PLD5: variants seen among roughly 807,000 people sequenced by gnomAD.
PLD5 encodes the protein inactive phospholipase D5.
Under a neutral mutation model 61.1 loss-of-function variants are expected in PLD5, and 36 were observed. The observed-to-expected ratio is 0.59, with a 90% CI of 0.45 to 0.78. The LOEUF (loss-of-function observed/expected upper bound fraction) is 0.78, where lower values mean the gene tolerates loss of function less well. PLD5 is among the 30% of genes least tolerant of loss of function. PLD5 has a pLI of 0.00. For missense variants in PLD5, 515 were observed against 644.4 expected (o/e 0.80, Z 2.17); for synonymous variants, 243 against 242.8 (o/e 1.00, Z -0.01).
At chr1:242,459,630 T>G (rs765836629) in intron 1 of PLD5, among the ~76,000 whole-genome samples, 1 of 152,200 alleles carries the variant, frequency 6.6e-6, no homozygotes, top group Non-Finnish European at 1.5e-5. Context: ...TTCTGATTAT[T>G]GTAAATACAA....
intron 5 of PLD5, among the ~76,000 whole-genome samples, chr1:242,190,336 C>T (rs866011808): frequency 1.3e-5 from 2 of 151,064 alleles, no homozygotes; most frequent in African/African-American, 4.9e-5. Flanking sequence ...TTAGTAGAGA[C>T]GGGGTTTCAC....
intron 1 of PLD5, among the ~76,000 whole-genome samples, chr1:242,494,652 A>G (rs545235363): frequency 1.1e-4 from 16 of 152,212 alleles, no homozygotes; most frequent in Non-Finnish European, 2.4e-4. Context: ...GGTTTATTTT[A>G]TGTTCCAAAA....
intron 1 of PLD5, among the ~76,000 whole-genome samples, chr1:242,355,448 C>A (rs1571962225): frequency 6.6e-6 from 1 of 152,054 alleles, no homozygotes; most frequent in African/African-American, 2.4e-5. Flanking sequence ...CTGTAGTTAT[C>A]AGTTGTAATG....
intron 3 of PLD5, among the ~76,000 whole-genome samples, chr1:242,271,931 A>T (rs970228822): frequency 9.9e-5 from 15 of 151,858 alleles, no homozygotes; most frequent in Non-Finnish European, 1.8e-4. Context: ...AAGGGACTGA[A>T]ATAGTGTTAC....
At chr1:242,293,214 C>A (rs1675468173) in intron 2 of PLD5, among the ~76,000 whole-genome samples, 1 of 152,050 alleles carries the variant, frequency 6.6e-6, no homozygotes, top group South Asian at 2.1e-4. Flanking sequence ...GAAAGTGAAG[C>A]AAGAGAAGAT....
At chr1:242,262,839 G>A (rs925433602) in intron 4 of PLD5, among the ~76,000 whole-genome samples, 1 of 151,994 alleles carries the variant, frequency 6.6e-6, no homozygotes, top group African/African-American at 2.4e-5. Flanking sequence ...GTTTATATGA[G>A]GGATACAGGT....
intron 1 of PLD5, among the ~76,000 whole-genome samples, chr1:242,421,932 A>T (rs1295202970): frequency 6.6e-6 from 1 of 152,228 alleles, no homozygotes; most frequent in Non-Finnish European, 1.5e-5. Flanking sequence ...TGTTTTCCTA[A>T]AGCAGGGCAT....
intron 4 of PLD5, among the ~76,000 whole-genome samples, chr1:242,259,284 G>C (rs1673251157): frequency 6.7e-6 from 1 of 148,190 alleles, no homozygotes; most frequent in Non-Finnish European, 1.5e-5. Flanking sequence ...ACTACAGCCT[G>C]GGTGATGGAG....
intron 5 of PLD5, among the ~76,000 whole-genome samples, chr1:242,185,268 A>G (rs1317121061): frequency 6.6e-6 from 1 of 152,158 alleles, no homozygotes; most frequent in East Asian, 1.9e-4. Flanking sequence ...GGAACCTACC[A>G]CAGGCCAGGG....
chr1:242,407,170 A>T (rs1664276342), intron 1 of PLD5, among the ~76,000 whole-genome samples: 1 of 151,984 alleles, frequency 6.6e-6, no homozygotes. Flanking sequence ...TATAAAGGGG[A>T]GTTTCCCTGC....
intron 1 of PLD5, among the ~76,000 whole-genome samples, chr1:242,475,027 C>A (rs1667546241): frequency 6.6e-6 from 1 of 152,160 alleles, no homozygotes; most frequent in Non-Finnish European, 1.5e-5. Flanking sequence ...CAGCATAGTG[C>A]CTGGCAAAAC....
At chr1:242,204,209 C>T (rs1011219173) in intron 5 of PLD5, among the ~76,000 whole-genome samples, 3 of 151,516 alleles carry the variant, frequency 2.0e-5, no homozygotes, top group African/African-American at 7.3e-5. Context: ...TGCCACTGCA[C>T]TCCAGTCTGG....
At chr1:242,093,675 A>T (rs1660010839) in intron 9 of PLD5, among the ~76,000 whole-genome samples, 1 of 152,012 alleles carries the variant, frequency 6.6e-6, no homozygotes. Context: ...TTGTGCTAAG[A>T]ATTGTGTGCT....
intron 5 of PLD5, among the ~76,000 whole-genome samples, chr1:242,169,978 C>A (rs975853347): frequency 6.6e-6 from 1 of 152,200 alleles, no homozygotes; most frequent in Non-Finnish European, 1.5e-5. Flanking sequence ...GACAGAGCAC[C>A]AGGGGGAAGG....
chr1:242,522,479 T>C (rs946832163), intron 1 of PLD5, among the ~76,000 whole-genome samples: 1 of 152,240 alleles, frequency 6.6e-6, no homozygotes, highest in Admixed American at 6.5e-5. Context: ...GACATAGTCA[T>C]AGAAGGCTGC....
At chr1:242,486,831 A>T (rs1426745687) in intron 1 of PLD5, among the ~76,000 whole-genome samples, 1 of 151,998 alleles carries the variant, frequency 6.6e-6, no homozygotes, top group African/African-American at 2.4e-5. Context: ...ACAATGATAG[A>T]CTGGATTAAG....
At chr1:242,090,253 C>T (rs545517057) in intron 9 of PLD5, 143 bp from the exon 10 acceptor site, 107 of 1,082,334 alleles carry the variant, frequency 9.9e-5, no homozygotes, top group South Asian at 2.2e-4. Context: ...TTGACAGCTC[C>T]GAAAAAAAAA....
chr1:242,481,565 C>T (rs764721305), intron 1 of PLD5, among the ~76,000 whole-genome samples: 2 of 152,228 alleles, frequency 1.3e-5, no homozygotes, highest in Non-Finnish European at 2.9e-5. Context: ...AGCTGGGAAG[C>T]TCGAACTGGG....
chr1:242,304,384 T>C (rs1212877959), intron 2 of PLD5, among the ~76,000 whole-genome samples: 2 of 152,230 alleles, frequency 1.3e-5, no homozygotes, highest in Admixed American at 6.5e-5. Flanking sequence ...TCTGGCCAAA[T>C]ATGTGCTGTT....
Sources: allele counts gnomAD v4.1 joint callset (sites outside exome capture counted in the v4.1 genomes callset), GRCh38; gene constraint gnomAD v4.1.1; transcripts MANE v1.5; gene names NCBI Gene and HGNC (gene_info 2026-07-23, HGNC 2026-07-21).